Variants in MYO18B observed in about 807,000 individuals in gnomAD.
MYO18B encodes myosin XVIIIB.
A neutral mutation model predicts 273.0 loss-of-function variants in MYO18B; 204 were observed. The ratio of observed to expected loss-of-function variants is 0.75; its 90% CI spans 0.67 to 0.84. The LOEUF is 0.84. Ranked by LOEUF, MYO18B falls within the 40% of genes least tolerant of loss-of-function variation. MYO18B has a pLI of 0.00. For synonymous variants in MYO18B, 1,330 were observed against 1,305.7 expected (o/e 1.02, Z -0.40); for missense variants, 3,212 against 3,287.6 (o/e 0.98, Z 0.56).
intron 12 of MYO18B, among the ~76,000 whole-genome samples, chr22:25,817,339 TTCTC>T (rs763291833): frequency 6.6e-6 from 1 of 151,572 alleles, no homozygotes; most frequent in Admixed American, 6.6e-5. Flanking sequence ...TCTTTTTCTT[TTCTC>T]TCTTTCTTTC....
chr22:25,929,894 A>G (rs887833691), intron 34 of MYO18B, among the ~76,000 whole-genome samples: 2 of 152,128 alleles, frequency 1.3e-5, no homozygotes, highest in African/African-American at 2.4e-5. Context: ...ATTTAAACGC[A>G]AAGTCGGTTC....
At chr22:25,838,603 A>G (rs2089977688) in intron 17 of MYO18B, among the ~76,000 whole-genome samples, 1 of 152,192 alleles carries the variant, frequency 6.6e-6, no homozygotes, top group African/African-American at 2.4e-5. Context: ...ACGAGTACTT[A>G]CCATTGTGTT....
intron 11 of MYO18B, among the ~76,000 whole-genome samples, chr22:25,793,571 C>A (rs1465371888): frequency 6.6e-6 from 1 of 151,970 alleles, no homozygotes; most frequent in African/African-American, 2.4e-5. Flanking sequence ...CAAACTGAGC[C>A]TCCATGCACG....
chr22:25,959,853 G>T (rs1601691636), intron 39 of MYO18B, among the ~76,000 whole-genome samples: 1 of 152,316 alleles, frequency 6.6e-6, no homozygotes, highest in Non-Finnish European at 1.5e-5. Flanking sequence ...GCTCTCACCA[G>T]GTCACCCTGC....
chr22:25,876,680 C>G (rs2091209476), intron 24 of MYO18B, among the ~76,000 whole-genome samples: 2 of 152,012 alleles, frequency 1.3e-5, no homozygotes, highest in South Asian at 4.1e-4. Flanking sequence ...AGACAACACT[C>G]TTTTTCTTTC....
rs1012794255 is a variant in MYO18B at position 25,954,404 on chromosome 22, A to C, written c.5971-775A>C. The stretch of plus-strand genomic sequence containing the variant: ...TTGACTTCAGCAGAGTTCTCTCTTC[A>C]TTGCACCAGCCCCTCGAGATAAATA... On this transcript the variant is annotated intron_variant, in intron 38 of 43. Coordinates refer to ENST00000335473, the MANE Select transcript of MYO18B (RefSeq NM_032608.7). 3.9e-5 allele frequency among the ~76,000 whole-genome samples: 6 copies of C among 151,962 alleles called. No homozygotes were observed. In the South Asian group the frequency reaches 1.2e-3, roughly 32 times the overall value.
chr22:26,045,229 C>G, the MYO18B span, among the ~76,000 whole-genome samples: 1 of 151,984 alleles, frequency 6.6e-6, no homozygotes, highest in Non-Finnish European at 1.5e-5. Context: ...TGGGAGTCAC[C>G]TGGAGCATGG....
chr22:25,743,096 GGAGCC>G (rs2085676673), intron 1 of MYO18B, among the ~76,000 whole-genome samples: 1 of 152,250 alleles, frequency 6.6e-6, no homozygotes, highest in African/African-American at 2.4e-5. Context: ...CCCGGAATGG[GGAGCC>G]CAGTCGGCTC....
At chr22:25,971,884 A>T (rs1261109504) in intron 39 of MYO18B, among the ~76,000 whole-genome samples, 1 of 152,188 alleles carries the variant, frequency 6.6e-6, no homozygotes, top group Non-Finnish European at 1.5e-5. Flanking sequence ...ACAGGGTCCT[A>T]GGGACAATTC....
intron 33 of MYO18B, among the ~76,000 whole-genome samples, chr22:25,913,386 C>T (rs996846380): frequency 1.1e-4 from 13 of 116,036 alleles, no homozygotes; most frequent in Admixed American, 3.3e-4. Context: ...TTTTTTGAGA[C>T]GGAGTCTCGC....
intron 39 of MYO18B, among the ~76,000 whole-genome samples, chr22:25,980,917 C>T (rs952145876): frequency 2.6e-5 from 4 of 152,138 alleles, no homozygotes; most frequent in South Asian, 2.1e-4. Flanking sequence ...CAAAGGCCCT[C>T]GGAAAGAAAC....
At chr22:25,955,895 C>T (rs1056820018) in intron 39 of MYO18B, among the ~76,000 whole-genome samples, 6 of 152,082 alleles carry the variant, frequency 3.9e-5, no homozygotes, top group Non-Finnish European at 8.8e-5. Context: ...GTTAATAGCA[C>T]AACAAAAATA....
At chr22:26,037,648 T>C in the MYO18B span, among the ~76,000 whole-genome samples, 1 of 152,182 alleles carries the variant, frequency 6.6e-6, no homozygotes, top group African/African-American at 2.4e-5. Context: ...TTCACTTCAA[T>C]CTCAAGCGAC....
At chr22:25,963,758 A>G (rs58451389) in intron 39 of MYO18B, among the ~76,000 whole-genome samples, 2,210 of 151,830 alleles carry the variant, frequency 0.015, 60 homozygotes, top group African/African-American at 0.05. Context: ...AATAGGCATA[A>G]TATGGCCTGT....
chr22:26,059,625 C>G, the MYO18B span, among the ~76,000 whole-genome samples: 1 of 152,262 alleles, frequency 6.6e-6, no homozygotes, highest in Admixed American at 6.5e-5. Flanking sequence ...CTGTCTGCAC[C>G]ACTTTGGATC....
At chr22:25,822,199 C>G (rs2089307801) in intron 12 of MYO18B, among the ~76,000 whole-genome samples, 1 of 152,196 alleles carries the variant, frequency 6.6e-6, no homozygotes, top group Non-Finnish European at 1.5e-5. Context: ...TCATTTCTAC[C>G]CCAGGGCCTT....
Position 25,955,416 on chromosome 22 carries a change from G to A in MYO18B, c.6156+52G>A, listed in dbSNP as rs143158623. 1,188 of 1,540,450 alleles carry A rather than the reference G, an allele frequency of 7.7e-4. 6 individuals are homozygous for A. In the African/African-American group the frequency reaches 7.8e-3, roughly 10 times the overall value. ...TTAGCGACTGAGGGTTTGCAATGTGGTAGACCCCCCTTTCTTAAGACTTCT... is the reference window on the plus strand; with the variant it reads ...TTAGCGACTGAGGGTTTGCAATGTGATAGACCCCCCTTTCTTAAGACTTCT... On this transcript the variant is annotated intron_variant, in intron 39 of 43. Coordinates refer to ENST00000335473, the MANE Select transcript of MYO18B (RefSeq NM_032608.7).
intron 39 of MYO18B, among the ~76,000 whole-genome samples, chr22:25,976,772 A>G (rs2093094126): frequency 2.0e-5 from 3 of 152,086 alleles, no homozygotes; most frequent in Non-Finnish European, 2.9e-5. Flanking sequence ...ATCTAATAAT[A>G]CAAGACTATT....
At chr22:26,005,492 C>A (rs907172702) in intron 42 of MYO18B, among the ~76,000 whole-genome samples, 2 of 152,134 alleles carry the variant, frequency 1.3e-5, no homozygotes, top group Non-Finnish European at 2.9e-5. Flanking sequence ...AATAAATGGG[C>A]CTTTGGATTC....
Sources: gnomAD v4.1 joint callset for allele counts (sites outside exome capture counted in the v4.1 genomes callset) on GRCh38, gnomAD v4.1.1 for gene constraint, MANE v1.5 for transcripts, NCBI Gene and HGNC (gene_info 2026-07-23, HGNC 2026-07-21) for gene names.